Variants in RPS6KA2 observed in about 807,000 individuals in gnomAD.
RPS6KA2 encodes ribosomal protein S6 kinase A2.
A neutral mutation model predicts 91.8 loss-of-function variants in RPS6KA2; 42 were observed. The observed-to-expected ratio is 0.46, with a 90% CI of 0.36 to 0.59. The LOEUF is 0.59. Ranked by LOEUF, RPS6KA2 falls within the 20% of genes least tolerant of loss-of-function variation. The pLI is 0.00. For synonymous variants in RPS6KA2, 414 were observed against 393.6 expected, an observed-to-expected ratio of 1.05 and a Z score of -0.61; for missense variants, 798 against 978.5, an observed-to-expected ratio of 0.82 and a Z score of 2.46.
chr6:166,606,190 C>T (rs1181142406), intron 1 of RPS6KA2, among the ~76,000 whole-genome samples: 1 of 152,182 alleles, frequency 6.6e-6, no homozygotes, highest in Non-Finnish European at 1.5e-5. Context: ...TTTAAATAGA[C>T]CAGACTTCAG....
At chr6:166,443,264 A>C (rs565127568) in intron 14 of RPS6KA2, among the ~76,000 whole-genome samples, 1 of 152,268 alleles carries the variant, frequency 6.6e-6, no homozygotes, top group African/African-American at 2.4e-5. Flanking sequence ...TCTGTCTGAA[A>C]AGGGGGGCAC....
rs539702175 is a variant in RPS6KA2 at position 166,445,829 on chromosome 6, G to A, written c.1332+2895C>T. Among the ~76,000 whole-genome samples the A allele has an allele frequency of 6.6e-6, 1 of 152,320 alleles. No homozygotes were observed. The highest frequency in any genetic ancestry group is 2.1e-4 in the South Asian group (1 of 4,830). ...TATACGGCTCAAGCGGCAACTGGGA[G>A]TGGTAAAGCCGGATTCTAGTGACAA... is the stretch of plus-strand genomic sequence containing the variant. On this transcript the variant is annotated intron_variant, in intron 14 of 20. Transcript: ENST00000265678. This position sits in a 1 kb window ranked among gnomAD's most constrained non-coding sequence, Gnocchi z 4.5.
intron 14 of RPS6KA2, among the ~76,000 whole-genome samples, chr6:166,438,688 C>T (rs1779422588): frequency 6.6e-6 from 1 of 152,186 alleles, no homozygotes; most frequent in Admixed American, 6.5e-5. Context: ...AGTCAGTGAA[C>T]AGGCACGTAT....
intron 2 of RPS6KA2, among the ~76,000 whole-genome samples, chr6:166,718,049 T>C (rs1240336819): frequency 6.6e-6 from 1 of 152,168 alleles, no homozygotes; most frequent in South Asian, 2.1e-4. Flanking sequence ...GGTTTTGCCA[T>C]GTTGGCCAGG....
chr6:166,537,171 C>T (rs183758647), intron 2 of RPS6KA2, among the ~76,000 whole-genome samples: 64 of 152,366 alleles, frequency 4.2e-4, no homozygotes, highest in African/African-American at 1.3e-3. Context: ...AAAGACGATT[C>T]GGCTGATTCT....
At chr6:166,471,844 G>A (rs926253461) in intron 10 of RPS6KA2, among the ~76,000 whole-genome samples, 5 of 152,156 alleles carry the variant, frequency 3.3e-5, no homozygotes, top group Admixed American at 6.5e-5. Flanking sequence ...AGGCCCCTCC[G>A]GGTCCCCAGT....
At chr6:166,780,251 G>A (rs1778735465) in intron 2 of RPS6KA2, among the ~76,000 whole-genome samples, 1 of 152,248 alleles carries the variant, frequency 6.6e-6, no homozygotes, top group South Asian at 2.1e-4. Context: ...CATTGCAGCT[G>A]GGCTTAGCTG....
At chr6:166,834,107 GC>G (rs1286176532) in intron 2 of RPS6KA2, among the ~76,000 whole-genome samples, 1 of 152,120 alleles carries the variant, frequency 6.6e-6, no homozygotes, top group Non-Finnish European at 1.5e-5. Context: ...AAAAGATGTT[GC>G]CCAACTATTT....
chr6:166,498,652 T>G lies in RPS6KA2; in HGVS notation c.605-2A>C. On this transcript the variant is annotated splice_acceptor_variant, in intron 7 of 20. Transcript: ENST00000265678. LOFTEE classifies it high-confidence loss of function. ...TGGCCTCCTTACTCAGGCCGAAATC[T>G]ACATGCAAACACAGCACACACACTG... The G allele has an allele frequency of 6.2e-7, 1 of 1,613,678 alleles. No homozygotes were observed. Among genetic ancestry groups the G allele is most frequent in the Non-Finnish European group, 8.5e-7 (1 of 1,179,956 alleles).
chr6:166,761,651 T>G (rs920768533), intron 2 of RPS6KA2, among the ~76,000 whole-genome samples: 1 of 152,262 alleles, frequency 6.6e-6, no homozygotes, highest in Non-Finnish European at 1.5e-5. Context: ...CAATATTTTG[T>G]GTCTTCCTCT....
chr6:166,757,926 C>G (rs751596617), intron 2 of RPS6KA2: 1 of 200,586 alleles, frequency 5.0e-6, no homozygotes, highest in Admixed American at 5.9e-5. Context: ...CATGCTGCTC[C>G]GAATCCCAGC....
chr6:166,419,781 G>T lies in RPS6KA2; in HGVS notation c.1820+101C>A. ...GCATACACGTTGGGTTTGCCCACAT[G>T]CGCACACTAGGACAGGGCTGGCCCT... On this transcript the variant is annotated intron_variant, in intron 18 of 20. Transcript: ENST00000265678. This position sits in a 1 kb window ranked among gnomAD's most constrained non-coding sequence, Gnocchi z 5.6. 1 of 1,057,240 alleles carries T rather than the reference G, an allele frequency of 9.5e-7. No individual in the cohort carries two copies. The highest frequency in any genetic ancestry group is 1.5e-6 in the Non-Finnish European group (1 of 686,972). 65.5% of individuals were successfully genotyped at this position (1,057,240 alleles called of 1,614,324 possible). A position where few individuals can be genotyped will look rare whatever the true frequency, so the allele number is the denominator to read the frequency against.
chr6:166,756,608 G>T (rs1290810069), intron 2 of RPS6KA2, among the ~76,000 whole-genome samples: 1 of 152,180 alleles, frequency 6.6e-6, no homozygotes, highest in African/African-American at 2.4e-5. Context: ...ACCTCTTTGG[G>T]AGGCCAAGGT....
At chr6:166,422,396 G>A (rs927650175) in intron 17 of RPS6KA2, among the ~76,000 whole-genome samples, 7 of 152,116 alleles carry the variant, frequency 4.6e-5, no homozygotes, top group Admixed American at 2.6e-4. Context: ...GATGCCAGGC[G>A]CCTCAGACCT....
chr6:166,432,895 T>C (rs1779181865), intron 14 of RPS6KA2, among the ~76,000 whole-genome samples: 2 of 150,500 alleles, frequency 1.3e-5, no homozygotes, highest in Admixed American at 1.3e-4. Context: ...CTCAGGAGGC[T>C]GAGGCATGAG....
chr6:166,770,801 TA>T lies in RPS6KA2; in HGVS notation c.123+87398del, dbSNP rs555974651. The T allele has an allele frequency of 6.2e-3, 7,962 of 1,289,136 alleles. No homozygotes were observed. Among genetic ancestry groups the T allele is most frequent in the South Asian group, 8.4e-3 (575 of 68,818 alleles). The allele number at this position is 1,289,136 out of a possible 1,614,324, so 79.9% of individuals were successfully genotyped here. A position where few individuals can be genotyped will look rare whatever the true frequency, so the allele number is the denominator to read the frequency against. On this transcript the variant is annotated intron_variant, in intron 2 of 21. Coordinates refer to the RPS6KA2 transcript ENST00000503859. This position sits in a 1 kb window ranked among gnomAD's most constrained non-coding sequence, Gnocchi z 5.1. Reference sequence around the variant, plus strand: ...ATTGAAAAAGACTTCATGTTTAACTTAAAAAAAAAATGTAACTCACATAAGC... The same window carrying T: ...ATTGAAAAAGACTTCATGTTTAACTTAAAAAAAAATGTAACTCACATAAGC...
intron 2 of RPS6KA2, among the ~76,000 whole-genome samples, chr6:166,759,975 C>T (rs573183115): frequency 5.4e-4 from 83 of 152,328 alleles, no homozygotes; most frequent in African/African-American, 1.9e-3. Context: ...TGGTCCTTCA[C>T]AAATACTTTG....
intron 1 of RPS6KA2, chr6:166,858,273 T>C: frequency 3.4e-6 from 5 of 1,492,104 alleles, no homozygotes; most frequent in Non-Finnish European, 4.6e-6. Flanking sequence ...ATAACAAAGA[T>C]AGATGTTAAA....
At chr6:166,545,320 A>T (rs974107628) in intron 1 of RPS6KA2, among the ~76,000 whole-genome samples, 1 of 152,194 alleles carries the variant, frequency 6.6e-6, no homozygotes, top group Non-Finnish European at 1.5e-5. Flanking sequence ...TTTCTGACCA[A>T]TGAAAGTGAT....
Sources: allele counts gnomAD v4.1 joint callset (sites outside exome capture counted in the v4.1 genomes callset), GRCh38; gene constraint gnomAD v4.1.1; non-coding constraint Gnocchi (gnomAD v3.1); transcripts MANE v1.5; gene names NCBI Gene and HGNC (gene_info 2026-07-23, HGNC 2026-07-21).